Variants in MICAL3 observed in about 807,000 individuals in gnomAD.
The protein encoded by MICAL3 is [F-actin]-monooxygenase MICAL3.
In MICAL3, 62 loss-of-function variants were observed where a neutral mutation model predicts 207.4. That is an observed-to-expected ratio of 0.30 (90% CI 0.24 to 0.37). The LOEUF is 0.37. Ranked by LOEUF, MICAL3 falls within the 10% of genes least tolerant of loss-of-function variation. MICAL3 has a pLI of 1.00. For synonymous variants in MICAL3, 1,077 were observed against 1,069.3 expected, an observed-to-expected ratio of 1.01 and a Z score of -0.14; for missense variants, 2,368 against 2,635.6, an observed-to-expected ratio of 0.90 and a Z score of 2.22.
At chr22:17,857,767 C>A (rs541409469) in intron 19 of MICAL3, among the ~76,000 whole-genome samples, 26 of 152,352 alleles carry the variant, frequency 1.7e-4, no homozygotes, top group African/African-American at 5.8e-4. Flanking sequence ...GAAGGGTGTT[C>A]CAAAACTTCC....
Position 17,951,916 on chromosome 22 carries a change from C to T in MICAL3, c.-74-45030G>A, listed in dbSNP as rs138463027. On this transcript the variant is annotated intron_variant, in intron 1 of 31. Coordinates refer to ENST00000441493, the MANE Select transcript of MICAL3 (RefSeq NM_015241.3). The stretch of plus-strand genomic sequence containing the variant: ...TTCCCCATGTTGGCCAGGCTGGTCT[C>T]GAACTCCTGGCCTCAAGTGATCCGC... 9.1e-3 allele frequency among the ~76,000 whole-genome samples: 1,384 copies of T among 152,138 alleles called. 14 individuals are homozygous for T. The highest frequency in any genetic ancestry group is 0.032 in the African/African-American group (1,320 of 41,498).
At chr22:17,802,061 AT>A (rs35160195) in intron 29 of MICAL3, among the ~76,000 whole-genome samples, 10,309 of 143,358 alleles carry the variant, frequency 0.072, 631 homozygotes, top group East Asian at 0.17. Context: ...AATGTAAACA[AT>A]TTTTTTTTTT....
At chr22:17,819,403 C>T (rs112655437) in intron 25 of MICAL3, among the ~76,000 whole-genome samples, 8 of 152,250 alleles carry the variant, frequency 5.3e-5, no homozygotes, top group African/African-American at 1.9e-4. Context: ...ATTCTTTGTC[C>T]ACTCACAGGA....
chr22:17,895,148 G>A, intron 10 of MICAL3, 136 bp downstream of exon 10: 1 of 839,178 alleles, frequency 1.2e-6, no homozygotes, highest in Non-Finnish European at 1.9e-6. Flanking sequence ...TACCAATTCA[G>A]AGAGACATCT....
At chr22:17,879,245 A>T in intron 16 of MICAL3, 3 of 964,104 alleles carry the variant, frequency 3.1e-6, no homozygotes, top group Non-Finnish European at 3.0e-6. Flanking sequence ...AAGCAAGGGG[A>T]GGGGGCCGTC....
At chr22:17,857,587 T>C (rs923390911) in intron 19 of MICAL3, among the ~76,000 whole-genome samples, 1 of 152,188 alleles carries the variant, frequency 6.6e-6, no homozygotes, top group African/African-American at 2.4e-5. Flanking sequence ...GGCAGTCTCA[T>C]GTGATTAATG....
chr22:17,871,796 GCA>G (rs1299040479), intron 17 of MICAL3, 39 bp downstream of exon 17: 7 of 1,548,564 alleles, frequency 4.5e-6, no homozygotes, highest in East Asian at 4.7e-5. Context: ...CACTGTCCAA[GCA>G]CAGTTTCTCA....
intron 29 of MICAL3, among the ~76,000 whole-genome samples, chr22:17,792,325 T>C (rs7286752): frequency 0.015 from 2,361 of 152,364 alleles, 68 homozygotes; most frequent in African/African-American, 0.054. Flanking sequence ...AAAATGCTTA[T>C]GTGTGCAGAG....
chr22:17,865,364 G>T (rs1273891043), intron 18 of MICAL3, among the ~76,000 whole-genome samples: 1 of 152,200 alleles, frequency 6.6e-6, no homozygotes, highest in East Asian at 1.9e-4. Flanking sequence ...CCATGCTGAA[G>T]AGACTGCTGG....
chr22:17,993,446 T>C (rs1387172917), intron 1 of MICAL3, among the ~76,000 whole-genome samples: 1 of 152,142 alleles, frequency 6.6e-6, no homozygotes, highest in Admixed American at 6.5e-5. Context: ...GCCCAGCTCA[T>C]TCTCTTAAAA....
intron 16 of MICAL3, among the ~76,000 whole-genome samples, chr22:17,873,251 T>C (rs551583879): frequency 2.0e-5 from 3 of 152,236 alleles, no homozygotes; most frequent in Admixed American, 6.5e-5. Flanking sequence ...GGCACCCCCA[T>C]GCACGCAGCA....
At chr22:17,967,369 G>A (rs1935186997) in intron 1 of MICAL3, among the ~76,000 whole-genome samples, 1 of 151,756 alleles carries the variant, frequency 6.6e-6, no homozygotes, top group African/African-American at 2.4e-5. Flanking sequence ...AAAAAAAGTA[G>A]AACACATATA....
intron 16 of MICAL3, chr22:17,881,068 A>G: frequency 1.3e-6 from 1 of 774,046 alleles, no homozygotes; most frequent in Non-Finnish European, 2.2e-6. Context: ...TTCCACCACA[A>G]ACGGTTTCTA....
chr22:17,967,861 A>G (rs1935218966), intron 1 of MICAL3, among the ~76,000 whole-genome samples: 1 of 85,398 alleles, frequency 1.2e-5, no homozygotes, highest in Non-Finnish European at 2.3e-5. Context: ...CCTGACCAAC[A>G]TGGTGAAACC....
At chr22:17,931,959 A>G (rs1245244547) in intron 1 of MICAL3, among the ~76,000 whole-genome samples, 1 of 152,264 alleles carries the variant, frequency 6.6e-6, no homozygotes, top group Non-Finnish European at 1.5e-5. Flanking sequence ...ATGGAAACAC[A>G]GTGCCTGCCC....
At chr22:18,001,635 G>A (rs1394555801) in intron 1 of MICAL3, 1 of 152,468 alleles carries the variant, frequency 6.6e-6, no homozygotes, top group Non-Finnish European at 1.5e-5. Context: ...CCGTCCTCAG[G>A]GACTCCATTG....
At position 17,896,326 on chromosome 22, in the gene MICAL3, G is replaced by C. The variant is rs1398961191; in HGVS notation, c.1242C>G (p.Gly414=). The change falls in exon 9 of 32, where the codon GGC becomes GGG. Residue 414 remains glycine (G), a synonymous_variant. Coordinates refer to ENST00000441493, the MANE Select transcript of MICAL3 (RefSeq NM_015241.3). Reference sequence around the variant, plus strand: ...AGGCAGAGTCCATAGCAGCTAGAAAGCCCCGGGCTATTCCTGTTCCCATTG... The same window carrying C: ...AGGCAGAGTCCATAGCAGCTAGAAACCCCCGGGCTATTCCTGTTCCCATTG... ...FWPMGTGIAR[G]FLAAMDSAWM... The C allele has an allele frequency of 6.4e-7, 1 of 1,559,142 alleles. No individual in the cohort carries two copies. The highest frequency in any genetic ancestry group is 1.4e-5 in the African/African-American group (1 of 73,286).
Position 17,791,799 on chromosome 22 carries a change from T to C in MICAL3, c.5651-498A>G, listed in dbSNP as rs190081895. On this transcript the variant is annotated intron_variant, in intron 29 of 31. Transcript: ENST00000441493. ...TCCAGGGGCCACCAGAATAGATGCC[T>C]TGTCCATTTGTTTACCTCCTGACCA... 918 of 164,154 alleles carry C rather than the reference T, an allele frequency of 5.6e-3. 5 individuals are homozygous for C. Among genetic ancestry groups the C allele is most frequent in the Non-Finnish European group, 9.2e-3 (691 of 74,914 alleles). The allele number at this position is 164,154 out of a possible 1,614,324, so 10.2% of individuals were successfully genotyped here.
intron 19 of MICAL3, among the ~76,000 whole-genome samples, chr22:17,845,612 T>C (rs1032576128): frequency 6.6e-6 from 1 of 152,062 alleles, no homozygotes; most frequent in Non-Finnish European, 1.5e-5. Context: ...AGGTAGGCAC[T>C]ATCATTTGCA....
Sources: gnomAD v4.1 joint callset for allele counts (sites outside exome capture counted in the v4.1 genomes callset) on GRCh38, gnomAD v4.1.1 for gene constraint, MANE v1.5 for transcripts, NCBI Gene and HGNC (gene_info 2026-07-23, HGNC 2026-07-21) for gene names.